The following RANBP9 variants were observed in gnomAD, a reference collection of about 807,000 sequenced individuals.
RANBP9 encodes RAN binding protein 9, also known as ran-binding protein 9.
RANBP9 carries 15 observed loss-of-function variants against 84.3 expected under a neutral mutation model. The ratio of observed to expected loss-of-function variants is 0.18; its 90% CI spans 0.12 to 0.27. The LOEUF (loss-of-function observed/expected upper bound fraction) is 0.27. Ranked by LOEUF, RANBP9 falls within the 10% of genes least tolerant of loss-of-function variation. The probability of loss-of-function intolerance (pLI) is 1.00; values close to 1 mark genes in which losing one functional copy is unlikely to be tolerated. For missense variants in RANBP9, 809 were observed against 912.8 expected, an observed-to-expected ratio of 0.89 and a Z score of 1.46; for synonymous variants, 392 against 349.6, an observed-to-expected ratio of 1.12 and a Z score of -1.35.
At chr6:13,690,089 G>A (rs1203265986) in intron 2 of RANBP9, among the ~76,000 whole-genome samples, 1 of 152,154 alleles carries the variant, frequency 6.6e-6, no homozygotes, top group African/African-American at 2.4e-5. Flanking sequence ...CTTAGAACAT[G>A]TTCCGTAGTT....
chr6:13,640,755 T>C (rs933602564), intron 8 of RANBP9, among the ~76,000 whole-genome samples: 1 of 152,156 alleles, frequency 6.6e-6, no homozygotes, highest in African/African-American at 2.4e-5. Flanking sequence ...AATGGATGGT[T>C]AGTGTTTAAT....
chr6:13,638,057 G>A (rs1206689629), intron 9 of RANBP9, 102 bp from the exon 10 acceptor site: 16 of 1,082,122 alleles, frequency 1.5e-5, no homozygotes, highest in East Asian at 2.7e-5. Flanking sequence ...CTTCTAGAAC[G>A]TAGGAGAGTC....
chr6:13,711,233 G>C lies in RANBP9; in HGVS notation c.273C>G (p.Pro91=). The part of the protein sequence containing the change: ...APPPPPPPPP[P]PASAAAPASG... ...TGGCGGGGGCAGCCGCTGAGGCAGGGGGAGGCGGGGGCGGCGGCGGGGGCG... is the reference window on the plus strand; with the variant it reads ...TGGCGGGGGCAGCCGCTGAGGCAGGCGGAGGCGGGGGCGGCGGCGGGGGCG... The change falls in exon 1 of 14, where the codon CCC becomes CCG. Residue 91 remains proline, a synonymous_variant. Transcript: ENST00000011619. 3 of 1,011,276 alleles carry C rather than the reference G, an allele frequency of 3.0e-6. No individual in the cohort carries two copies. Among genetic ancestry groups the C allele is most frequent in the Non-Finnish European group, 3.5e-6 (3 of 847,500 alleles). The allele number at this position is 1,011,276 out of a possible 1,614,324, so 62.6% of individuals were successfully genotyped here.
intron 12 of RANBP9, 44 bp downstream of exon 12, chr6:13,632,326 T>A: frequency 1.3e-6 from 2 of 1,576,474 alleles, no homozygotes; most frequent in Middle Eastern, 1.7e-4. Flanking sequence ...TACATTTTAG[T>A]TCCTCTGACA....
At chr6:13,696,760 A>G (rs2113357428) in intron 2 of RANBP9, 25 bp downstream of exon 2, 9 of 1,563,120 alleles carry the variant, frequency 5.8e-6, no homozygotes, top group Middle Eastern at 1.7e-4. Context: ...CTAGCAAACG[A>G]TTTTTCTCAC....
intron 5 of RANBP9, among the ~76,000 whole-genome samples, chr6:13,649,148 C>G (rs968910518): frequency 5.3e-5 from 8 of 152,106 alleles, no homozygotes; most frequent in African/African-American, 1.9e-4. Flanking sequence ...TTCCTTGATG[C>G]TTCCTTTAAA....
At chr6:13,704,909 C>T (rs71562479) in intron 1 of RANBP9, among the ~76,000 whole-genome samples, 1 of 152,144 alleles carries the variant, frequency 6.6e-6, no homozygotes, top group African/African-American at 2.4e-5. Flanking sequence ...ATACGCTCCT[C>T]CTATTTTCCA....
Position 13,637,903 on chromosome 6 carries a change from A to C in RANBP9, c.1578T>G (p.Tyr526Ter). The C allele has an allele frequency of 6.2e-7, 1 of 1,609,446 alleles. No individual in the cohort carries two copies. Among genetic ancestry groups the C allele is most frequent in the Non-Finnish European group, 8.5e-7 (1 of 1,176,100 alleles). The stretch of plus-strand genomic sequence containing the variant: ...ATGACTGGTGTTTATTACTATGGCA[A>C]TATGATTGATGTGCTTTATTTGATA... ...GVISNKAHQS[Y>*]CHSNKHQSSN... The change falls in exon 10 of 14, where the codon TAT becomes TAG. Residue 526 changes from tyrosine (Y) to a stop codon, truncating the protein, a stop_gained. Coordinates refer to ENST00000011619, the MANE Select transcript of RANBP9 (RefSeq NM_005493.3). LOFTEE classifies it high-confidence loss of function.
Position 13,711,571 on chromosome 6 carries a change from G to A in RANBP9, c.-66C>T, listed in dbSNP as rs1218879230. The A allele has an allele frequency of 6.5e-6, 8 of 1,225,058 alleles. No individual in the cohort carries two copies. The highest frequency in any genetic ancestry group is 6.8e-5 in the South Asian group (2 of 29,218). 75.9% of individuals were successfully genotyped at this position (1,225,058 alleles called of 1,614,324 possible). ...CTCCTTCCTCCTCTGCTTCCCGGGG[G>A]CGCTGTCGCTGCGGCCGCCGGCACC... On this transcript the variant is annotated 5_prime_UTR_variant, in exon 1 of 14. Transcript: ENST00000011619.
intron 6 of RANBP9, among the ~76,000 whole-genome samples, chr6:13,643,668 A>G (rs551866781): frequency 2.0e-5 from 3 of 152,190 alleles, no homozygotes; most frequent in Non-Finnish European, 4.4e-5. Context: ...CTATCTTGCC[A>G]TGATACTCAG....
chr6:13,657,512 A>AC (rs1765428858), intron 3 of RANBP9, among the ~76,000 whole-genome samples: 1 of 152,040 alleles, frequency 6.6e-6, no homozygotes, highest in African/African-American at 2.4e-5. Context: ...AACAGAGAGA[A>AC]CCCCCTACCA....
rs1021760999 is a variant in RANBP9 at position 13,621,766 on chromosome 6, A to G, written c.*596T>C. 3.3e-5 allele frequency: 5 copies of G among 152,670 alleles called. No individual in the cohort carries two copies. The highest frequency in any genetic ancestry group is 1.2e-4 in the African/African-American group (5 of 41,458). The allele number at this position is 152,670 out of a possible 1,614,324, so 9.5% of individuals were successfully genotyped here. A position where few individuals can be genotyped will look rare whatever the true frequency, so the allele number is the denominator to read the frequency against. Reference sequence around the variant, plus strand: ...AAACAAAGTTGAAAAAGACCATGTTAAAACAAAACTACTGGGACTAACAGG... The same window carrying G: ...AAACAAAGTTGAAAAAGACCATGTTGAAACAAAACTACTGGGACTAACAGG... On this transcript the variant is annotated 3_prime_UTR_variant, in exon 14 of 14. Coordinates refer to ENST00000011619, the MANE Select transcript of RANBP9 (RefSeq NM_005493.3).
chr6:13,639,594 T>C lies in RANBP9; in HGVS notation c.1494A>G (p.Ala498=). ...PSHGMNIHNL[A]SGKGSTAHFS... ...AATGTGCGGTGCTTCCTTTGCCTGA[T>C]GCTAAATTGTGGATATTCATTCCAT... is the stretch of plus-strand genomic sequence containing the variant. Residue 498 remains alanine (A), a synonymous_variant, in exon 9 of 14, where the codon GCA becomes GCG. Transcript: ENST00000011619. The C allele has an allele frequency of 3.7e-6, 6 of 1,611,990 alleles. No individual in the cohort carries two copies. The highest frequency in any genetic ancestry group is 5.1e-6 in the Non-Finnish European group (6 of 1,178,046).
chr6:13,688,380 G>T (rs1194455642), intron 2 of RANBP9, among the ~76,000 whole-genome samples: 1 of 152,084 alleles, frequency 6.6e-6, no homozygotes, highest in Admixed American at 6.5e-5. Flanking sequence ...TTTTATGTAA[G>T]CTTCCTAGAT....
chr6:13,679,477 A>C (rs1013180914), intron 2 of RANBP9, among the ~76,000 whole-genome samples: 17 of 152,180 alleles, frequency 1.1e-4, no homozygotes, highest in Non-Finnish European at 2.1e-4. Context: ...ACAACAACAA[A>C]ACACAAAATA....
In RANBP9 at chr6:13,639,594, T is replaced by A. The variant is rs1765015805; in HGVS notation, c.1494A>T (p.Ala498=). The A allele has an allele frequency of 6.2e-7, 1 of 1,611,990 alleles. No homozygotes were observed. The highest frequency in any genetic ancestry group is 8.5e-7 in the Non-Finnish European group (1 of 1,178,046). The change falls in exon 9 of 14, where the codon GCA becomes GCT. Residue 498 remains alanine, a synonymous_variant. Transcript: ENST00000011619. The part of the protein sequence containing the change: ...PSHGMNIHNL[A]SGKGSTAHFS... ...AATGTGCGGTGCTTCCTTTGCCTGA[T>A]GCTAAATTGTGGATATTCATTCCAT...
chr6:13,660,505 T>A (rs1765517793), intron 2 of RANBP9, among the ~76,000 whole-genome samples: 1 of 152,118 alleles, frequency 6.6e-6, no homozygotes, highest in South Asian at 2.1e-4. Context: ...AGACCAGGAC[T>A]CTTGTCACTC....
intron 1 of RANBP9, among the ~76,000 whole-genome samples, chr6:13,705,273 A>C (rs574959934): frequency 1.3e-5 from 2 of 151,782 alleles, no homozygotes; most frequent in Non-Finnish European, 2.9e-5. Flanking sequence ...GCGTGGTGGC[A>C]GGCGCTTGTA....
At chr6:13,660,041 T>C (rs1038120925) in intron 2 of RANBP9, among the ~76,000 whole-genome samples, 5 of 152,216 alleles carry the variant, frequency 3.3e-5, no homozygotes, top group African/African-American at 9.7e-5. Flanking sequence ...GCAAAGTGAC[T>C]ACATGTAAGA....
Sources: allele counts gnomAD v4.1 joint callset (sites outside exome capture counted in the v4.1 genomes callset), GRCh38; gene constraint gnomAD v4.1.1; transcripts MANE v1.5; gene names NCBI Gene and HGNC (gene_info 2026-07-23, HGNC 2026-07-21).